VSIR: variants seen among roughly 807,000 people sequenced by gnomAD.
VSIR encodes V-set immunoregulatory receptor, also known as V-type immunoglobulin domain-containing suppressor of T-cell activation.
A neutral mutation model predicts 31.0 loss-of-function variants in VSIR; 10 were observed. The ratio of observed to expected loss-of-function variants is 0.32; its 90% confidence interval spans 0.20 to 0.55. VSIR has a LOEUF of 0.55. Among genes scored for constraint, VSIR ranks in the 20% least tolerant of loss-of-function variants. The pLI, the probability that VSIR is intolerant of heterozygous loss-of-function variation, is 0.93. For missense variants in VSIR, 356 were observed against 416.2 expected (o/e 0.86, Z 1.26); for synonymous variants, 179 against 180.1 (o/e 0.99, Z 0.05).
intron 3 of VSIR, among the ~76,000 whole-genome samples, chr10:71,759,874 C>CACACACACACATATATATAT (rs1564779205): frequency 1.4e-5 from 1 of 70,274 alleles, no homozygotes; most frequent in Admixed American, 1.6e-4. Flanking sequence ...CATATATATA[C>CACACACACACATATATATAT]ACACACACAC....
At chr10:71,772,395 G>T (rs1351793254) in intron 1 of VSIR, among the ~76,000 whole-genome samples, 4 of 152,084 alleles carry the variant, frequency 2.6e-5, no homozygotes, top group Non-Finnish European at 2.9e-5. Context: ...ACTTTCCCTG[G>T]GCCCTCCCTA....
Position 71,751,380 on chromosome 10 carries a change from G to A in VSIR, c.899-90C>T. ...TGAGGCCGTGGAACTCTTCAGGGAG[G>A]TGAATGGGGGCCCCTCTGTCCCTCA... On this transcript the variant is annotated intron_variant, in intron 6 of 6. Coordinates refer to ENST00000394957, the MANE Select transcript of VSIR (RefSeq NM_022153.2). The surrounding 1 kb of genome is among the most constrained non-coding windows in gnomAD (Gnocchi z 4.9). 5.7e-6 allele frequency: 5 copies of A among 875,902 alleles called. No homozygotes were observed. The highest frequency in any genetic ancestry group is 8.7e-6 in the Non-Finnish European group (5 of 575,998). 54.3% of individuals were successfully genotyped at this position (875,902 alleles called of 1,614,324 possible).
intron 2 of VSIR, among the ~76,000 whole-genome samples, chr10:71,761,214 G>A (rs761380688): frequency 2.0e-5 from 3 of 152,082 alleles, no homozygotes; most frequent in Admixed American, 6.5e-5. Flanking sequence ...ACACACACAC[G>A]CATATATTCT....
chr10:71,749,782 C>G lies in VSIR; in HGVS notation c.*1471G>C, dbSNP rs1291630093. 6.6e-6 allele frequency: 1 copy of G among 152,380 alleles called. No homozygotes were observed. The highest frequency in any genetic ancestry group is 1.9e-4 in the East Asian group (1 of 5,192). 9.4% of individuals were successfully genotyped at this position (152,380 alleles called of 1,614,324 possible). On this transcript the variant is annotated 3_prime_UTR_variant, in exon 7 of 7. Transcript: ENST00000394957. ...AGGCCCAGGGCTCACTGCTGCCAGG[C>G]AGCCTAGAGGTGCTCCCCTTTTCCA...
Position 71,750,895 on chromosome 10 carries a change from C to T in VSIR, c.*358G>A. The T allele has an allele frequency of 4.7e-6, 1 of 214,782 alleles. No homozygotes were observed. The highest frequency in any genetic ancestry group is 1.5e-3 in the Middle Eastern group (1 of 650). 13.3% of individuals were successfully genotyped at this position (214,782 alleles called of 1,614,324 possible). A position where few individuals can be genotyped will look rare whatever the true frequency, so the allele number is the denominator to read the frequency against. ...GGGTGGCCCAGTGTCCATCTTGTCC[C>T]ACTGATGCTGCCACATCCCAAGGCT... On this transcript the variant is annotated 3_prime_UTR_variant, in exon 7 of 7. Coordinates refer to ENST00000394957, the MANE Select transcript of VSIR (RefSeq NM_022153.2).
rs376676393 is a variant in VSIR at position 71,760,159 on chromosome 10, A to G, written c.568+709T>C. On this transcript the variant is annotated intron_variant, in intron 3 of 6. Transcript: ENST00000394957. ...TATACATATATATGTGTGTATATATATGTATATACATATATATGTGTGTAT... is the reference window on the plus strand; with the variant it reads ...TATACATATATATGTGTGTATATATGTGTATATACATATATATGTGTGTAT... Among the ~76,000 whole-genome samples the G allele has an allele frequency of 1.4e-3, 37 of 27,164 alleles. 6 individuals are homozygous for G. The highest frequency in any genetic ancestry group is 5.7e-3 in the African/African-American group (24 of 4,190). 17.8% of individuals were successfully genotyped at this position (27,164 alleles called of 152,430 possible). A position where few individuals can be genotyped will look rare whatever the true frequency, so the allele number is the denominator to read the frequency against.
At position 71,749,538 on chromosome 10, in the gene VSIR, C is replaced by T. The variant is rs979498657; in HGVS notation, c.*1715G>A. On this transcript the variant is annotated 3_prime_UTR_variant, in exon 7 of 7. Transcript: ENST00000394957. The stretch of plus-strand genomic sequence containing the variant: ...GACCAGAGGGAACAAAAGAAGGGAC[C>T]CCCCTCTGCCTAGGGACAAGGGAGA... 1.3e-5 allele frequency: 2 copies of T among 152,264 alleles called. No homozygotes were observed. Among genetic ancestry groups the T allele is most frequent in the African/African-American group, 4.8e-5 (2 of 41,448 alleles). 9.4% of individuals were successfully genotyped at this position (152,264 alleles called of 1,614,324 possible).
At position 71,753,318 on chromosome 10, in the gene VSIR, C is replaced by T. The variant is rs931045306; in HGVS notation, c.677-316G>A. Among the ~76,000 whole-genome samples, 6 of 152,276 alleles carry T rather than the reference C, an allele frequency of 3.9e-5. No homozygotes were observed. In the East Asian group the frequency reaches 1.2e-3, roughly 29 times the overall value. On this transcript the variant is annotated intron_variant, in intron 4 of 6. Coordinates refer to ENST00000394957, the MANE Select transcript of VSIR (RefSeq NM_022153.2). ...GCCAGCGCTTTCTCCTATGGCTTGACTTACACAGTGTCAGACCTTCAGGAT... is the reference window on the plus strand; with the variant it reads ...GCCAGCGCTTTCTCCTATGGCTTGATTTACACAGTGTCAGACCTTCAGGAT...
chr10:71,762,187 C>G (rs1284589985), intron 1 of VSIR, among the ~76,000 whole-genome samples, 161 bp from the exon 2 acceptor site: 1 of 152,226 alleles, frequency 6.6e-6, no homozygotes, highest in Non-Finnish European at 1.5e-5. Context: ...TTCACAAACC[C>G]CACTCCATCC....
In VSIR at chr10:71,751,575, T is replaced by A; in HGVS notation, c.898+93A>T. ...CCCACCCCGTGAGGCCGTGGAACTCTTCAGGGAGGGCAGGGAGTGAGGCCG... is the reference window on the plus strand; with the variant it reads ...CCCACCCCGTGAGGCCGTGGAACTCATCAGGGAGGGCAGGGAGTGAGGCCG... On this transcript the variant is annotated intron_variant, in intron 6 of 6. Transcript: ENST00000394957. This position sits in a 1 kb window ranked among gnomAD's most constrained non-coding sequence, Gnocchi z 4.9. 1 of 1,423,466 alleles carries A rather than the reference T, an allele frequency of 7.0e-7. No homozygotes were observed. The highest frequency in any genetic ancestry group is 9.4e-7 in the Non-Finnish European group (1 of 1,062,602). The allele number at this position is 1,423,466 out of a possible 1,614,324, so 88.2% of individuals were successfully genotyped here.
chr10:71,760,695 G>C, intron 3 of VSIR, 173 bp downstream of exon 3: 1 of 644,316 alleles, frequency 1.6e-6, no homozygotes, highest in Non-Finnish European at 2.8e-6. Flanking sequence ...GTGGGCTTCT[G>C]GGGATTGCAC....
intron 1 of VSIR, among the ~76,000 whole-genome samples, chr10:71,772,287 C>T (rs2132913889): frequency 6.6e-6 from 1 of 152,336 alleles, no homozygotes; most frequent in Admixed American, 6.5e-5. Flanking sequence ...TCCCTCTTAT[C>T]CTATCACCCT....
chr10:71,754,238 G>T (rs889898919), intron 4 of VSIR, among the ~76,000 whole-genome samples: 1 of 152,170 alleles, frequency 6.6e-6, no homozygotes, highest in African/African-American at 2.4e-5. Flanking sequence ...CAGGTAGGTT[G>T]TGGTGTGTTC....
Position 71,759,918 on chromosome 10 carries a change from TATAC to T in VSIR, c.568+946_568+949del, listed in dbSNP as rs1840273590. 9.2e-5 allele frequency among the ~76,000 whole-genome samples: 6 copies of T among 65,572 alleles called. 1 individual carries two copies. In the South Asian group the frequency reaches 2.0e-3, roughly 22 times the overall value. 43.0% of individuals were successfully genotyped at this position (65,572 alleles called of 152,430 possible). On this transcript the variant is annotated intron_variant, in intron 3 of 6. Transcript: ENST00000394957. ...ACACACATATATACACACACACATA[TATAC>T]ACACACACATATATACACACACACA...
chr10:71,762,104 T>A (rs1840408787), intron 1 of VSIR, 78 bp from the exon 2 acceptor site: 1 of 1,440,466 alleles, frequency 6.9e-7, no homozygotes, highest in Non-Finnish European at 9.2e-7. Flanking sequence ...GGAAGAACCT[T>A]AGCCTCTGCT....
rs757000474 is a variant in VSIR at position 71,761,747 on chromosome 10, G to A, written c.362C>T (p.Ser121Leu). Residue 121 changes from serine (S) to leucine (L), a missense_variant, in exon 2 of 7, where the codon TCG becomes TTG. Ser to Leu is a moderately radical substitution (Grantham distance 145, BLOSUM62 -2). Coordinates refer to ENST00000394957, the MANE Select transcript of VSIR (RefSeq NM_022153.2). ...GAAGTTGCCATGGTGGTCGGAGGCC[G>A]ACTCCAGCCCGTGGCGCTGAGCCAG... Reference protein sequence around the residue: ...HDLAQRHGLESASDHHGNFSI... With the variant: ...HDLAQRHGLELASDHHGNFSI... The A allele has an allele frequency of 1.1e-5, 18 of 1,614,024 alleles. No homozygotes were observed. In the Admixed American group the frequency reaches 1.2e-4, roughly 10 times the overall value.
intron 1 of VSIR, 62 bp downstream of exon 1, chr10:71,773,296 C>T (rs1213983407): frequency 5.9e-6 from 9 of 1,531,290 alleles, no homozygotes; most frequent in Non-Finnish European, 8.0e-6. Context: ...TCCCACAGTT[C>T]CCACTCCAGT....
At chr10:71,764,370 A>G (rs1245217011) in intron 1 of VSIR, among the ~76,000 whole-genome samples, 5 of 152,226 alleles carry the variant, frequency 3.3e-5, no homozygotes, top group Non-Finnish European at 7.3e-5. Context: ...TGCTAGAGCT[A>G]GAATTAAACT....
At chr10:71,759,927 A>G (rs1840275146) in intron 3 of VSIR, among the ~76,000 whole-genome samples, 1 of 87,756 alleles carries the variant, frequency 1.1e-5, no homozygotes, top group Non-Finnish European at 2.7e-5. Context: ...ATATACACAC[A>G]CACATATATA....
Sources: gnomAD v4.1 joint callset for allele counts (sites outside exome capture counted in the v4.1 genomes callset) on GRCh38, gnomAD v4.1.1 for gene constraint, Gnocchi (gnomAD v3.1) non-coding constraint, MANE v1.5 for transcripts, NCBI Gene and HGNC (gene_info 2026-07-23, HGNC 2026-07-21) for gene names.